DENND2B: variants seen among roughly 807,000 people sequenced by gnomAD.
DENND2B encodes the protein DENN domain containing 2B, also known as DENN domain-containing protein 2B.
Under a neutral mutation model 116.0 loss-of-function variants are expected in DENND2B, and 32 were observed. The ratio of observed to expected loss-of-function variants is 0.28; its 90% confidence interval spans 0.21 to 0.37. The LOEUF is 0.37. Among genes scored for constraint, DENND2B ranks in the 10% least tolerant of loss-of-function variants. DENND2B has a pLI of 1.00. For missense variants in DENND2B, 1,276 were observed against 1,477.7 expected, an observed-to-expected ratio of 0.86 and a Z score of 2.24; for synonymous variants, 588 against 583.9, an observed-to-expected ratio of 1.01 and a Z score of -0.10.
At chr11:8,781,698 AAAT>A (rs1185324117) in intron 1 of DENND2B, among the ~76,000 whole-genome samples, 1 of 152,214 alleles carries the variant, frequency 6.6e-6, no homozygotes, top group Non-Finnish European at 1.5e-5. Flanking sequence ...GACAGGAAGA[AAAT>A]AATTACAGAG....
chr11:8,889,992 C>G (rs866070294), intron 1 of DENND2B, among the ~76,000 whole-genome samples: 2 of 152,188 alleles, frequency 1.3e-5, no homozygotes, highest in Non-Finnish European at 2.9e-5. Context: ...AGGCACCCCC[C>G]AGTAGGGGCG....
chr11:8,711,564 T>TA (rs576538527), intron 9 of DENND2B, among the ~76,000 whole-genome samples: 5 of 149,220 alleles, frequency 3.4e-5, no homozygotes, highest in Non-Finnish European at 4.5e-5. Flanking sequence ...GAGCGGGGCT[T>TA]AAAAAAAAAA....
At chr11:8,885,801 T>C (rs1017738105) in intron 1 of DENND2B, among the ~76,000 whole-genome samples, 2 of 152,178 alleles carry the variant, frequency 1.3e-5, no homozygotes, top group Non-Finnish European at 1.5e-5. Flanking sequence ...TTCTTTTTCA[T>C]AGTAAAGAAG....
chr11:8,762,901 T>C (rs1209388004), intron 1 of DENND2B, among the ~76,000 whole-genome samples: 2 of 152,064 alleles, frequency 1.3e-5, no homozygotes, highest in Admixed American at 6.5e-5. Flanking sequence ...ACTGACAAAT[T>C]AGACTACATT....
chr11:8,698,911 T>C, intron 16 of DENND2B, 22 bp downstream of exon 16: 1 of 1,614,068 alleles, frequency 6.2e-7, no homozygotes. Flanking sequence ...AGCCCAACTC[T>C]AGCAAGCACC....
At chr11:8,743,301 G>A (rs2050573278) in intron 2 of DENND2B, among the ~76,000 whole-genome samples, 1 of 151,988 alleles carries the variant, frequency 6.6e-6, no homozygotes, top group South Asian at 2.1e-4. Context: ...TATAATTCCA[G>A]CACTTTGGGA....
At chr11:8,898,175 G>T (rs1566090622) in intron 1 of DENND2B, among the ~76,000 whole-genome samples, 1 of 152,158 alleles carries the variant, frequency 6.6e-6, no homozygotes, top group Admixed American at 6.5e-5. Context: ...TCTCTTCCCA[G>T]TTATTAGCTG....
rs143568022 is a variant in DENND2B, at chr11:8,796,197, T to A, written c.-26+14320A>T. 4.5e-4 allele frequency among the ~76,000 whole-genome samples: 69 copies of A among 152,180 alleles called. No individual in the cohort carries two copies. In the East Asian group the frequency reaches 0.013, roughly 28 times the overall value. ...CACTGCATACATTTTCATTTCAGAATCCCGGGCCTTCACTACTGATAGAAT... is the reference window on the plus strand; with the variant it reads ...CACTGCATACATTTTCATTTCAGAAACCCGGGCCTTCACTACTGATAGAAT... On this transcript the variant is annotated intron_variant, in intron 1 of 19. Coordinates refer to ENST00000313726, the MANE Select transcript of DENND2B (RefSeq NM_213618.2).
At chr11:8,858,912 A>G (rs1039669207) in intron 2 of DENND2B, among the ~76,000 whole-genome samples, 5 of 152,344 alleles carry the variant, frequency 3.3e-5, no homozygotes, top group African/African-American at 1.2e-4. Flanking sequence ...AGATTAGTGC[A>G]CATAAAACCC....
At chr11:8,736,539 T>C (rs542768722) in intron 2 of DENND2B, among the ~76,000 whole-genome samples, 1 of 152,006 alleles carries the variant, frequency 6.6e-6, no homozygotes, top group Admixed American at 6.5e-5. Context: ...GGGAAAGGGA[T>C]CAGAGATGAG....
At chr11:8,910,651 GGACACGGGT>G (rs2064308469) in intron 1 of DENND2B, among the ~76,000 whole-genome samples, 11 of 96,564 alleles carry the variant, frequency 1.1e-4, no homozygotes, top group African/African-American at 3.4e-4. Context: ...GTGTGTGTGT[GGACACGGGT>G]TGTCGCTATG....
chr11:8,713,445 T>A (rs1178039881), intron 8 of DENND2B, among the ~76,000 whole-genome samples: 2 of 152,070 alleles, frequency 1.3e-5, no homozygotes, highest in African/African-American at 4.8e-5. Context: ...AGTGGCATGA[T>A]CTCAGCTCAC....
rs1421622458 is a variant in DENND2B at position 8,697,301 on chromosome 11, ATAAT to A, written c.3052+220_3052+223del. On this transcript the variant is annotated intron_variant, in intron 17 of 19. Coordinates refer to ENST00000313726, the MANE Select transcript of DENND2B (RefSeq NM_213618.2). ...TTGAGGCAAGGCCTCAGAAGGAGGA[ATAAT>A]TAGTTTTCTGTCAGCAGAAAGTATC... 3.3e-5 allele frequency among the ~76,000 whole-genome samples: 5 copies of A among 152,254 alleles called. No individual in the cohort carries two copies. The South Asian group carries it at 8.3e-4, about 25-fold the overall frequency.
chr11:8,835,057 G>A (rs1282926676), intron 4 of DENND2B, among the ~76,000 whole-genome samples: 1 of 152,088 alleles, frequency 6.6e-6, no homozygotes, highest in Non-Finnish European at 1.5e-5. Flanking sequence ...ACCAGCCTGG[G>A]CAACATGGCA....
chr11:8,736,448 T>C (rs1265462622), intron 2 of DENND2B, among the ~76,000 whole-genome samples: 1 of 152,160 alleles, frequency 6.6e-6, no homozygotes, highest in Non-Finnish European at 1.5e-5. Context: ...ACACATCAAG[T>C]TGCCTTATTT....
In DENND2B at chr11:8,765,856, G is replaced by A. The variant is rs537497161; in HGVS notation, c.-25-15131C>T. On this transcript the variant is annotated intron_variant, in intron 1 of 19. Transcript: ENST00000313726. ...AGTTCGAGACCAGCCTGGCCAACAT[G>A]GTGAAACCCTAATTTTACTAAAAAT... Among the ~76,000 whole-genome samples the A allele has an allele frequency of 7.2e-5, 11 of 152,088 alleles. No individual in the cohort carries two copies. The South Asian group carries it at 2.1e-3, about 29-fold the overall frequency.
At chr11:8,774,156 A>G in intron 1 of DENND2B, 1 of 985,502 alleles carries the variant, frequency 1.0e-6, no homozygotes. Context: ...GGGCAGCAGC[A>G]GTTTCTCTGC....
At chr11:8,895,181 T>C (rs1308259032) in intron 1 of DENND2B, among the ~76,000 whole-genome samples, 1 of 151,060 alleles carries the variant, frequency 6.6e-6, no homozygotes, top group Non-Finnish European at 1.5e-5. Flanking sequence ...TTCTCACTCA[T>C]AGGTGGGAAG....
chr11:8,806,256 C>T (rs2060825517), intron 1 of DENND2B, among the ~76,000 whole-genome samples: 1 of 152,080 alleles, frequency 6.6e-6, no homozygotes, highest in Admixed American at 6.5e-5. Flanking sequence ...TGATTTCCAA[C>T]AGTCCATCTC....
Sources: gnomAD v4.1 joint callset for allele counts (sites outside exome capture counted in the v4.1 genomes callset) on GRCh38, gnomAD v4.1.1 for gene constraint, MANE v1.5 for transcripts, NCBI Gene and HGNC (gene_info 2026-07-23, HGNC 2026-07-21) for gene names.